Variants in FOXK1 observed in about 807,000 individuals in gnomAD.
The protein encoded by FOXK1 is forkhead box K1.
Under a neutral mutation model 51.9 loss-of-function variants are expected in FOXK1, and 19 were observed. The ratio of observed to expected loss-of-function variants is 0.37; its 90% CI spans 0.26 to 0.54. The LOEUF (loss-of-function observed/expected upper bound fraction) is 0.54. FOXK1 is among the 20% of genes least tolerant of loss of function. The probability of loss-of-function intolerance (pLI) is 0.87; values close to 1 mark genes in which losing one functional copy is unlikely to be tolerated. For missense variants in FOXK1, 870 were observed against 1,032.7 expected (o/e 0.84, Z 2.16); for synonymous variants, 537 against 482.6 (o/e 1.11, Z -1.48).
Position 4,755,151 on chromosome 7 carries a change from G to A in FOXK1, c.904-86G>A, listed in dbSNP as rs774973585. 51 of 1,538,114 alleles carry A rather than the reference G, an allele frequency of 3.3e-5. No homozygotes were observed. Among genetic ancestry groups the A allele is most frequent in the Non-Finnish European group, 4.2e-5 (48 of 1,131,858 alleles). On this transcript the variant is annotated intron_variant, in intron 3 of 8. Coordinates refer to ENST00000328914, the MANE Select transcript of FOXK1 (RefSeq NM_001037165.2). This position sits in a 1 kb window ranked among gnomAD's most constrained non-coding sequence, Gnocchi z 6.6. The stretch of plus-strand genomic sequence containing the variant: ...AAGACGCGCACATTCTCGTGGGAAG[G>A]TTCCTCCCCATCAGCTGTGACGGGT...
At position 4,767,709 on chromosome 7, in the gene FOXK1, TC is replaced by T. The variant is rs940388246; in HGVS notation, c.*5247del. On this transcript the variant is annotated 3_prime_UTR_variant, in exon 9 of 9. Transcript: ENST00000328914. This position sits in a 1 kb window ranked among gnomAD's most constrained non-coding sequence, Gnocchi z 6.6. ...TACAATTTCCTTTTCTTTTCAAAGT[TC>T]CTTTCTCCAGGCCTGTTTTTCAGTG... 1.3e-5 allele frequency: 2 copies of T among 152,256 alleles called. No homozygotes were observed. Among genetic ancestry groups the T allele is most frequent in the African/African-American group, 2.4e-5 (1 of 41,466 alleles). The allele number at this position is 152,256 out of a possible 1,614,324, so 9.4% of individuals were successfully genotyped here.
chr7:4,746,822 C>T (rs1295167571), intron 2 of FOXK1, among the ~76,000 whole-genome samples: 1 of 152,238 alleles, frequency 6.6e-6, no homozygotes, highest in Admixed American at 6.5e-5. Flanking sequence ...TCTGGGCTGG[C>T]TGTGCCAGCA....
chr7:4,759,394 C>T lies in FOXK1; in HGVS notation c.1495C>T (p.Pro499Ser). 6.2e-7 allele frequency: 1 copy of T among 1,601,748 alleles called. No individual in the cohort carries two copies. Among genetic ancestry groups the T allele is most frequent in the Non-Finnish European group, 8.5e-7 (1 of 1,178,716 alleles). ...CGTGGCCAAGCCCGTGGCCTACATGCCCGCCTCCATCGTAACCTCACAGCA... is the reference window on the plus strand; with the variant it reads ...CGTGGCCAAGCCCGTGGCCTACATGTCCGCCTCCATCGTAACCTCACAGCA... ...SLVAKPVAYM[P>S]ASIVTSQQPA... The change falls in exon 7 of 9, where the codon CCC becomes TCC. Residue 499 changes from proline to serine, a missense_variant. Physicochemically the swap from Pro to Ser is moderately conservative, Grantham distance 74. Transcript: ENST00000328914.
In FOXK1 at chr7:4,755,104, G is replaced by T; in HGVS notation, c.904-133G>T. 1 of 1,098,690 alleles carries T rather than the reference G, an allele frequency of 9.1e-7. No homozygotes were observed. The allele number at this position is 1,098,690 out of a possible 1,614,324, so 68.1% of individuals were successfully genotyped here. A position where few individuals can be genotyped will look rare whatever the true frequency, so the allele number is the denominator to read the frequency against. ...CAAGCACATTAATGGGATAGTTGGA[G>T]GGCACTGGGACGGGTGCCGGCAAGA... is the stretch of plus-strand genomic sequence containing the variant. On this transcript the variant is annotated intron_variant, in intron 3 of 8. Coordinates refer to ENST00000328914, the MANE Select transcript of FOXK1 (RefSeq NM_001037165.2). This position sits in a 1 kb window ranked among gnomAD's most constrained non-coding sequence, Gnocchi z 6.6.
intron 1 of FOXK1, among the ~76,000 whole-genome samples, chr7:4,732,922 T>C (rs1018544393): frequency 3.3e-5 from 5 of 152,224 alleles, no homozygotes; most frequent in African/African-American, 1.2e-4. Flanking sequence ...CTATTGTGAA[T>C]TGATCTCTGG....
chr7:4,726,056 T>G (rs1780377385), intron 1 of FOXK1, among the ~76,000 whole-genome samples: 1 of 151,944 alleles, frequency 6.6e-6, no homozygotes, highest in African/African-American at 2.4e-5. Flanking sequence ...TGCTCTCTGT[T>G]GGGGTGTGAT....
At chr7:4,699,149 G>C (rs1779989239) in intron 1 of FOXK1, among the ~76,000 whole-genome samples, 1 of 152,126 alleles carries the variant, frequency 6.6e-6, no homozygotes, top group African/African-American at 2.4e-5. Context: ...TACTGACCTT[G>C]ACATTTTTAA....
intron 1 of FOXK1, among the ~76,000 whole-genome samples, chr7:4,719,315 T>C (rs954567751): frequency 6.6e-6 from 1 of 151,962 alleles, no homozygotes; most frequent in Admixed American, 6.6e-5. Flanking sequence ...TAAAAAAAGA[T>C]TCTTTTAATA....
At chr7:4,727,752 T>C (rs1033017318) in intron 1 of FOXK1, among the ~76,000 whole-genome samples, 1 of 152,222 alleles carries the variant, frequency 6.6e-6, no homozygotes, top group Non-Finnish European at 1.5e-5. Context: ...CAGAGTGCTC[T>C]CTCCTGGGTG....
rs971352833 is a variant in FOXK1, at chr7:4,735,375, T to G, written c.561-5463T>G. On this transcript the variant is annotated intron_variant, in intron 1 of 8. Transcript: ENST00000328914. This position sits in a 1 kb window ranked among gnomAD's most constrained non-coding sequence, Gnocchi z 4.7. ...TTGCCTGAGATCGACTGCACATACC[T>G]TACAACTAACCCTTTCCATTGTTCC... Among the ~76,000 whole-genome samples the G allele has an allele frequency of 6.6e-6, 1 of 152,214 alleles. No homozygotes were observed. The highest frequency in any genetic ancestry group is 2.4e-5 in the African/African-American group (1 of 41,446).
intron 2 of FOXK1, among the ~76,000 whole-genome samples, chr7:4,750,505 C>T (rs138207624): frequency 3.6e-4 from 54 of 151,292 alleles, no homozygotes; most frequent in Non-Finnish European, 6.2e-4. Context: ...TGCAGTGGCA[C>T]GATCTCTGCT....
chr7:4,732,543 C>T (rs566518087), intron 1 of FOXK1, among the ~76,000 whole-genome samples: 1 of 152,338 alleles, frequency 6.6e-6, no homozygotes, highest in Admixed American at 6.5e-5. Flanking sequence ...ATCGTCCCAC[C>T]TCAGCCTTCC....
intron 1 of FOXK1, among the ~76,000 whole-genome samples, chr7:4,716,962 G>A (rs1295604254): frequency 7.9e-5 from 12 of 152,022 alleles, no homozygotes; most frequent in African/African-American, 2.9e-4. Context: ...CGCATGGCTG[G>A]GAGGCGTGTG....
chr7:4,699,899 G>C (rs1294278942), intron 1 of FOXK1, among the ~76,000 whole-genome samples: 1 of 152,120 alleles, frequency 6.6e-6, no homozygotes, highest in African/African-American at 2.4e-5. Flanking sequence ...TCTTCTCTTT[G>C]TTCCAGTATC....
chr7:4,750,490 T>A (rs1780761323), intron 2 of FOXK1, among the ~76,000 whole-genome samples: 1 of 151,724 alleles, frequency 6.6e-6, no homozygotes, highest in Non-Finnish European at 1.5e-5. Flanking sequence ...TCGCCCAGGC[T>A]GGAGTGCAGT....
rs148817470 is a variant in FOXK1, at chr7:4,723,978, T to G, written c.561-16860T>G. Among the ~76,000 whole-genome samples the G allele has an allele frequency of 2.7e-5, 4 of 149,584 alleles. No homozygotes were observed. The highest frequency in any genetic ancestry group is 4.4e-5 in the Non-Finnish European group (3 of 67,718). ...GCACCTCTGTGCTCGGCCCATTCGA[T>G]TTTTAAAACCTTAAATGACCCTGCA... is the stretch of plus-strand genomic sequence containing the variant. On this transcript the variant is annotated intron_variant, in intron 1 of 8. Coordinates refer to ENST00000328914, the MANE Select transcript of FOXK1 (RefSeq NM_001037165.2). The surrounding 1 kb of genome is among the most constrained non-coding windows in gnomAD (Gnocchi z 4.7).
rs924522930 is a variant in FOXK1 at position 4,712,000 on chromosome 7, C to G, written c.561-28838C>G. 1.3e-5 allele frequency among the ~76,000 whole-genome samples: 2 copies of G among 151,054 alleles called. No homozygotes were observed. The highest frequency in any genetic ancestry group is 2.1e-4 in the South Asian group (1 of 4,800). On this transcript the variant is annotated intron_variant, in intron 1 of 8. Transcript: ENST00000328914. This position sits in a 1 kb window ranked among gnomAD's most constrained non-coding sequence, Gnocchi z 6.3. ...GGACGCGGCAGGTCACAGAGCCCAC[C>G]AAGTCCGAAGCTGGAAGTTCAGATT...
In FOXK1 at chr7:4,755,496, G is replaced by A. The variant is rs1439918228; in HGVS notation, c.1050+113G>A. The A allele has an allele frequency of 3.5e-6, 5 of 1,414,670 alleles. No individual in the cohort carries two copies. The South Asian group carries it at 5.3e-5, about 15-fold the overall frequency. The allele number at this position is 1,414,670 out of a possible 1,614,324, so 87.6% of individuals were successfully genotyped here. ...AGGGCCAGTGAGGGGGCTCACGCCTGGAACCCTAGCATTTTGTGAGGCCGA... is the reference window on the plus strand; with the variant it reads ...AGGGCCAGTGAGGGGGCTCACGCCTAGAACCCTAGCATTTTGTGAGGCCGA... On this transcript the variant is annotated intron_variant, in intron 4 of 8. Transcript: ENST00000328914. The surrounding 1 kb of genome is among the most constrained non-coding windows in gnomAD (Gnocchi z 6.6).
intron 1 of FOXK1, among the ~76,000 whole-genome samples, chr7:4,727,160 C>T (rs1285288522): frequency 2.0e-5 from 3 of 152,004 alleles, no homozygotes; most frequent in Non-Finnish European, 4.4e-5. Context: ...CTCTGTTGCC[C>T]AGGCTGGTTT....
Sources: gnomAD v4.1 joint callset for allele counts (sites outside exome capture counted in the v4.1 genomes callset) on GRCh38, gnomAD v4.1.1 for gene constraint, Gnocchi (gnomAD v3.1) non-coding constraint, MANE v1.5 for transcripts, NCBI Gene and HGNC (gene_info 2026-07-23, HGNC 2026-07-21) for gene names.